The following KIF13A variants were observed in gnomAD, a reference collection of about 807,000 sequenced individuals.
The protein encoded by KIF13A is kinesin family member 13A, also known as kinesin-like protein KIF13A.
Under a neutral mutation model 212.2 loss-of-function variants are expected in KIF13A, and 79 were observed. That is an observed-to-expected ratio of 0.37 (90% CI 0.31 to 0.45). The LOEUF is 0.45. KIF13A is among the 20% of genes least tolerant of loss of function. KIF13A has a pLI of 1.00. For missense variants in KIF13A, 1,901 were observed against 2,209.0 expected (o/e 0.86, Z 2.79); for synonymous variants, 789 against 808.6 (o/e 0.98, Z 0.41).
At chr6:17,928,889 G>C (rs756843199) in intron 2 of KIF13A, among the ~76,000 whole-genome samples, 4 of 151,694 alleles carry the variant, frequency 2.6e-5, no homozygotes, top group Non-Finnish European at 5.9e-5. Context: ...AGAAAGACTG[G>C]TACATAATGG....
intron 2 of KIF13A, among the ~76,000 whole-genome samples, chr6:17,922,862 G>A (rs1202390244): frequency 2.6e-5 from 4 of 151,808 alleles, no homozygotes; most frequent in East Asian, 1.9e-4. Context: ...GGGCTCAAGC[G>A]ATCCTCTTGC....
rs370587962 is a variant in KIF13A, at chr6:17,794,568, G to C, written c.3075+4C>G. On this transcript the variant is annotated splice_donor_region_variant and intron_variant, in intron 24 of 38. Coordinates refer to ENST00000259711, the MANE Select transcript of KIF13A (RefSeq NM_022113.6). The surrounding 1 kb of genome is among the most constrained non-coding windows in gnomAD (Gnocchi z 4.1). ...TAAAAAAAAACCCAAAACAAACTCA[G>C]TACCTGTCTAAGTTGAAAGATGCCT... is the stretch of plus-strand genomic sequence containing the variant. 1 of 1,601,592 alleles carries C rather than the reference G, an allele frequency of 6.2e-7. No homozygotes were observed. Among genetic ancestry groups the C allele is most frequent in the Non-Finnish European group, 8.5e-7 (1 of 1,176,304 alleles).
At chr6:17,793,923 A>AAC (rs1554165883) in intron 25 of KIF13A, among the ~76,000 whole-genome samples, 12 of 152,084 alleles carry the variant, frequency 7.9e-5, no homozygotes, top group African/African-American at 2.9e-4. Flanking sequence ...TTAAAAAAAA[A>AAC]ACACACACAA....
chr6:17,852,042 C>A lies in KIF13A; in HGVS notation c.495G>T (p.Gly165=). Residue 165 remains glycine, a splice_region_variant and synonymous_variant, in exon 7 of 39, where the codon GGG becomes GGT. Transcript: ENST00000259711. ...CTCGAACTTTAAGAGACTGTCTACTCCTGCGGGAGGGAGGAAAAAGGAATA... is the reference window on the plus strand; with the variant it reads ...CTCGAACTTTAAGAGACTGTCTACTACTGCGGGAGGGAGGAAAAAGGAATA... The part of the protein sequence containing the change: ...EKVRDLLDPK[G]SRQSLKVREH... The A allele has an allele frequency of 6.8e-7, 1 of 1,475,552 alleles. No individual in the cohort carries two copies. The highest frequency in any genetic ancestry group is 1.4e-5 in the African/African-American group (1 of 69,372). 91.4% of individuals were successfully genotyped at this position (1,475,552 alleles called of 1,614,324 possible).
chr6:17,783,768 A>G lies in KIF13A; in HGVS notation c.3489-67T>C, dbSNP rs1484023848. On this transcript the variant is annotated intron_variant, in intron 28 of 38. Transcript: ENST00000259711. This position sits in a 1 kb window ranked among gnomAD's most constrained non-coding sequence, Gnocchi z 4.3. The stretch of plus-strand genomic sequence containing the variant: ...TTTACATCTTGTTAGCTGATAAAAC[A>G]CCACAGAGCTGTGGAAGCAAAGAGA... 4 of 1,023,146 alleles carry G rather than the reference A, an allele frequency of 3.9e-6. No homozygotes were observed. Among genetic ancestry groups the G allele is most frequent in the Non-Finnish European group, 6.0e-6 (4 of 667,264 alleles). The allele number at this position is 1,023,146 out of a possible 1,614,324, so 63.4% of individuals were successfully genotyped here. A position where few individuals can be genotyped will look rare whatever the true frequency, so the allele number is the denominator to read the frequency against.
At chr6:17,800,584 G>A (rs1001752634) in intron 20 of KIF13A, among the ~76,000 whole-genome samples, 7 of 146,164 alleles carry the variant, frequency 4.8e-5, no homozygotes, top group African/African-American at 1.8e-4. Context: ...TTACAGGTGC[G>A]TGCTACCACG....
At chr6:17,944,829 T>C (rs1777249346) in intron 2 of KIF13A, among the ~76,000 whole-genome samples, 1 of 152,046 alleles carries the variant, frequency 6.6e-6, no homozygotes, top group South Asian at 2.1e-4. Flanking sequence ...AAAACTATCA[T>C]TAGCAAACAA....
chr6:17,980,477 G>A (rs1350037369), intron 2 of KIF13A, among the ~76,000 whole-genome samples: 1 of 152,080 alleles, frequency 6.6e-6, no homozygotes, highest in Non-Finnish European at 1.5e-5. Flanking sequence ...ACCCCTGGGA[G>A]GCAACCGCTC....
At chr6:17,890,630 CTT>C (rs567124907) in intron 3 of KIF13A, among the ~76,000 whole-genome samples, 1 of 144,482 alleles carries the variant, frequency 6.9e-6, no homozygotes, top group Admixed American at 6.9e-5. Flanking sequence ...TCTCCTTCTT[CTT>C]TTTTTTTTTT....
intron 2 of KIF13A, among the ~76,000 whole-genome samples, chr6:17,958,680 T>C (rs527285397): frequency 6.6e-6 from 1 of 152,190 alleles, no homozygotes; most frequent in Admixed American, 6.5e-5. Context: ...ATCTTCACCT[T>C]GAATATACAA....
At chr6:17,923,380 G>A (rs1241145712) in intron 2 of KIF13A, among the ~76,000 whole-genome samples, 5 of 151,962 alleles carry the variant, frequency 3.3e-5, no homozygotes, top group Non-Finnish European at 4.4e-5. Flanking sequence ...AAGTAGATGA[G>A]TCAGGAGACT....
intron 16 of KIF13A, among the ~76,000 whole-genome samples, chr6:17,819,311 C>T (rs1184488192): frequency 6.6e-6 from 1 of 152,170 alleles, no homozygotes; most frequent in African/African-American, 2.4e-5. Context: ...CGCCTGTAAT[C>T]CCAGCATTTC....
Position 17,918,944 on chromosome 6 carries a change from G to T in KIF13A, c.147-20764C>A, listed in dbSNP as rs918043003. Among the ~76,000 whole-genome samples, 1 of 152,086 alleles carries T rather than the reference G, an allele frequency of 6.6e-6. No homozygotes were observed. The highest frequency in any genetic ancestry group is 1.5e-5 in the Non-Finnish European group (1 of 68,016). Reference sequence around the variant, plus strand: ...TGGATCTGACAGTTATAAGATCCACGGAAAGAGAGGCTTTGTCTATCTTGT... The same window carrying T: ...TGGATCTGACAGTTATAAGATCCACTGAAAGAGAGGCTTTGTCTATCTTGT... On this transcript the variant is annotated intron_variant, in intron 2 of 38. Coordinates refer to ENST00000259711, the MANE Select transcript of KIF13A (RefSeq NM_022113.6). The surrounding 1 kb of genome is among the most constrained non-coding windows in gnomAD (Gnocchi z 4.8).
intron 28 of KIF13A, among the ~76,000 whole-genome samples, chr6:17,784,089 G>A (rs1488454857): frequency 1.3e-5 from 2 of 152,096 alleles, no homozygotes; most frequent in Non-Finnish European, 2.9e-5. Flanking sequence ...AAGGAGGGAG[G>A]GTTGTGTACA....
Position 17,982,434 on chromosome 6 carries a change from G to C in KIF13A, c.146+4620C>G, listed in dbSNP as rs1781173830. The C allele has an allele frequency of 1.0e-6, 1 of 984,654 alleles. No individual in the cohort carries two copies. Among genetic ancestry groups the C allele is most frequent in the Non-Finnish European group, 1.2e-6 (1 of 829,416 alleles). The allele number at this position is 984,654 out of a possible 1,614,324, so 61.0% of individuals were successfully genotyped here. A position where few individuals can be genotyped will look rare whatever the true frequency, so the allele number is the denominator to read the frequency against. On this transcript the variant is annotated intron_variant, in intron 2 of 38. Transcript: ENST00000259711. The surrounding 1 kb of genome is among the most constrained non-coding windows in gnomAD (Gnocchi z 5.1). ...GAGCATTTTAGATTTCAGATGTTCA[G>C]ACAGGGATACCGCTGGTGAATAAAC...
Position 17,849,465 on chromosome 6 carries a change from C to G in KIF13A, c.742G>C (p.Val248Leu). The G allele has an allele frequency of 1.9e-6, 3 of 1,613,630 alleles. No individual in the cohort carries two copies. Among genetic ancestry groups the G allele is most frequent in the Non-Finnish European group, 2.5e-6 (3 of 1,179,722 alleles). Residue 248 changes from valine to leucine, a missense_variant, in exon 9 of 39, where the codon GTC becomes CTC. Transcript: ENST00000259711. This position sits in a 1 kb window ranked among gnomAD's most constrained non-coding sequence, Gnocchi z 5.7. Reference sequence around the variant, plus strand: ...CTACCCGCCAGGTCTACCAAGCTGACCTTACTGACTTTCTCCCCGGAATTC... The same window carrying G: ...CTACCCGCCAGGTCTACCAAGCTGAGCTTACTGACTTTCTCCCCGGAATTC... ...SGNSGEKVSK[V>L]SLVDLAGSER...
At position 17,915,904 on chromosome 6, in the gene KIF13A, G is replaced by A. The variant is rs1774453452; in HGVS notation, c.147-17724C>T. ...TGCAGTAAGCCAAGATGGCACCACT[G>A]CACTCAAGCCTGGGTGACAGAGAGC... On this transcript the variant is annotated intron_variant, in intron 2 of 38. Coordinates refer to ENST00000259711, the MANE Select transcript of KIF13A (RefSeq NM_022113.6). The surrounding 1 kb of genome is among the most constrained non-coding windows in gnomAD (Gnocchi z 4.4). 6.6e-6 allele frequency among the ~76,000 whole-genome samples: 1 copy of A among 150,558 alleles called. No individual in the cohort carries two copies. The highest frequency in any genetic ancestry group is 1.5e-5 in the Non-Finnish European group (1 of 67,832).
At position 17,772,283 on chromosome 6, in the gene KIF13A, CTTG is replaced by C. The variant is rs1759562287; in HGVS notation, c.4325-227_4325-225del. On this transcript the variant is annotated intron_variant, in intron 36 of 38. Coordinates refer to ENST00000259711, the MANE Select transcript of KIF13A (RefSeq NM_022113.6). The surrounding 1 kb of genome is among the most constrained non-coding windows in gnomAD (Gnocchi z 4.8). The stretch of plus-strand genomic sequence containing the variant: ...AGATAGCCAGGCATGGTGGTGTCTA[CTTG>C]TTGTACTTGCTACTCAGGAGGCTGA... Among the ~76,000 whole-genome samples, 2 of 152,100 alleles carry C rather than the reference CTTG, an allele frequency of 1.3e-5. No homozygotes were observed. The highest frequency in any genetic ancestry group is 2.1e-4 in the South Asian group (1 of 4,822).
chr6:17,938,049 T>C (rs1481736091), intron 2 of KIF13A, among the ~76,000 whole-genome samples: 1 of 109,306 alleles, frequency 9.1e-6, no homozygotes, highest in Non-Finnish European at 1.9e-5. Flanking sequence ...TGCCCCGCCC[T>C]AATTACATAA....
Sources: allele counts gnomAD v4.1 joint callset (sites outside exome capture counted in the v4.1 genomes callset), GRCh38; gene constraint gnomAD v4.1.1; non-coding constraint Gnocchi (gnomAD v3.1); transcripts MANE v1.5; gene names NCBI Gene and HGNC (gene_info 2026-07-23, HGNC 2026-07-21).